Variants in PDCD2 observed in about 807,000 individuals in gnomAD.
PDCD2 encodes the protein uS5 assembly chaperone PDCD2.
Under a neutral mutation model 38.1 loss-of-function variants are expected in PDCD2, and 38 were observed. That is an observed-to-expected ratio of 1.00 (90% confidence interval 0.77 to 1.31). The LOEUF (loss-of-function observed/expected upper bound fraction) is 1.31, where lower values mean the gene tolerates loss of function less well. Ranked by LOEUF, PDCD2 falls within the 50% of genes most tolerant of loss-of-function variation. The pLI is 0.00. For synonymous variants in PDCD2, 205 were observed against 168.9 expected (o/e 1.21, Z -1.66); for missense variants, 473 against 435.7 (o/e 1.09, Z -0.76).
intron 1 of PDCD2, 125 bp downstream of exon 1, chr6:170,584,174 C>T (rs1028852872): frequency 9.3e-7 from 1 of 1,076,046 alleles, no homozygotes; most frequent in Non-Finnish European, 1.2e-6. Context: ...TGGGGCAGCG[C>T]GGAGAGGGAG....
intron 5 of PDCD2, 50 bp from the exon 6 acceptor site, chr6:170,577,767 A>C: frequency 6.3e-7 from 1 of 1,582,274 alleles, no homozygotes; most frequent in Non-Finnish European, 8.6e-7. Context: ...AGCAGGGAGC[A>C]CGAGACCTTC....
At chr6:170,578,571 A>G (rs1779508483) in intron 5 of PDCD2, 1 of 696,948 alleles carries the variant, frequency 1.4e-6, no homozygotes, top group Non-Finnish European at 2.6e-6. Context: ...AGGCACTAAT[A>G]ATAATGACAT....
At chr6:170,583,024 C>G in intron 3 of PDCD2, 33 bp downstream of exon 3, 1 of 1,596,732 alleles carries the variant, frequency 6.3e-7, no homozygotes, top group African/African-American at 1.4e-5. Context: ...TTATGTTTAA[C>G]CACTTAATGA....
chr6:170,582,789 T>C, intron 3 of PDCD2: 2 of 1,290,794 alleles, frequency 1.5e-6, no homozygotes, highest in Non-Finnish European at 2.0e-6. Context: ...CCAGAGGAAC[T>C]TACCAAGCCT....
intron 5 of PDCD2, among the ~76,000 whole-genome samples, chr6:170,578,170 A>AC (rs11394599): frequency 0.58 from 87,697 of 151,952 alleles, 26,277 homozygotes; most frequent in East Asian, 0.79. Context: ...CAGAATAGCC[A>AC]CCTGATATGG....
chr6:170,583,958 A>T (rs909094190), intron 1 of PDCD2: 1 of 572,682 alleles, frequency 1.7e-6, no homozygotes, highest in East Asian at 3.0e-5. Flanking sequence ...AATCAAATTA[A>T]TAAGACTGAT....
In PDCD2 at chr6:170,584,328, C is replaced by G; in HGVS notation, c.254G>C (p.Arg85Pro). ...CAGGCCGGCACAGCACGGCTGCTCGCGGCAGCAGAAGAGGAAGATGCAGCG... is the reference window on the plus strand; with the variant it reads ...CAGGCCGGCACAGCACGGCTGCTCGGGGCAGCAGAAGAGGAAGATGCAGCG... ...FHRCIFLFCC[R>P]EQPCCAGLRV... The change falls in exon 1 of 6, where the codon CGC (arginine) becomes CCC (proline). Residue 85 changes from arginine to proline, a missense_variant. Coordinates refer to ENST00000541970, the MANE Select transcript of PDCD2 (RefSeq NM_002598.4). 1 of 1,498,702 alleles carries G rather than the reference C, an allele frequency of 6.7e-7. No homozygotes were observed. The highest frequency in any genetic ancestry group is 2.3e-4 in the Middle Eastern group (1 of 4,290). 92.8% of individuals were successfully genotyped at this position (1,498,702 alleles called of 1,614,324 possible). A position where few individuals can be genotyped will look rare whatever the true frequency, so the allele number is the denominator to read the frequency against.
chr6:170,578,810 A>T (rs548924306), intron 5 of PDCD2, 47 bp downstream of exon 5: 7 of 1,192,830 alleles, frequency 5.9e-6, no homozygotes, highest in Non-Finnish European at 7.5e-6. Context: ...ATGTTTAAAA[A>T]CAATCATGGT....
At chr6:170,578,614 T>A in intron 5 of PDCD2, 2 of 702,666 alleles carry the variant, frequency 2.8e-6, no homozygotes, top group Non-Finnish European at 5.2e-6. Flanking sequence ...AGTGTAGATA[T>A]CCTCATTGTC....
chr6:170,577,281 G>A lies in PDCD2; in HGVS notation c.*278C>T, dbSNP rs890789147. 8.6e-5 allele frequency: 25 copies of A among 292,320 alleles called. 1 individual carries two copies. Among genetic ancestry groups the A allele is most frequent in the Admixed American group, 4.1e-4 (9 of 21,958 alleles). 18.1% of individuals were successfully genotyped at this position (292,320 alleles called of 1,614,324 possible). ...ACATACAAATATTTTTACAAGAATA[G>A]GATCATACCATGAATACCACCTATA... On this transcript the variant is annotated 3_prime_UTR_variant, in exon 6 of 6. Coordinates refer to ENST00000541970, the MANE Select transcript of PDCD2 (RefSeq NM_002598.4).
At position 170,582,275 on chromosome 6, in the gene PDCD2, A is replaced by G. The variant is rs143396203; in HGVS notation, c.658+782T>C. 134 of 1,499,938 alleles carry G rather than the reference A, an allele frequency of 8.9e-5. 2 individuals carry two copies. The East Asian group carries it at 3.3e-3, about 37-fold the overall frequency. 92.9% of individuals were successfully genotyped at this position (1,499,938 alleles called of 1,614,324 possible). On this transcript the variant is annotated intron_variant, in intron 3 of 5. Transcript: ENST00000541970. ...GCTTCCCATTATATCCCTGTTATCA[A>G]GCACAAGGTCAGGCACAGAGTAAGA... is the stretch of plus-strand genomic sequence containing the variant.
intron 3 of PDCD2, chr6:170,581,888 T>G: frequency 3.1e-6 from 1 of 327,810 alleles, no homozygotes; most frequent in South Asian, 2.7e-5. Flanking sequence ...ACATCAAGAG[T>G]TTTTTACTTT....
At chr6:170,582,500 TCA>T (rs774488312) in intron 3 of PDCD2, 172 of 1,367,884 alleles carry the variant, frequency 1.3e-4, no homozygotes, top group Non-Finnish European at 1.6e-4. Flanking sequence ...GGGCAGTTTC[TCA>T]CTCATTGGTC....
Position 170,584,446 on chromosome 6 carries a change from GC to G in PDCD2, c.135del (p.Gln47ArgfsTer95). On this transcript the variant is annotated frameshift_variant, in exon 1 of 6. Transcript: ENST00000541970. LOFTEE classifies it high-confidence loss of function. Reference protein sequence around the residue: ...PAWLGAAGLPGPQALACELCG... With the variant: ...PAWLGAAGLPXPQALACELCG... Reference sequence around the variant, plus strand: ...CACAGCTCGCAGGCCAGGGCCTGGGGCCCCGGCAGCCCGGCCGCGCCCAGCC... The same window carrying G: ...CACAGCTCGCAGGCCAGGGCCTGGGGCCCGGCAGCCCGGCCGCGCCCAGCC... 7.6e-7 allele frequency: 1 copy of G among 1,318,592 alleles called. No individual in the cohort carries two copies. The highest frequency in any genetic ancestry group is 9.6e-7 in the Non-Finnish European group (1 of 1,040,284). 81.7% of individuals were successfully genotyped at this position (1,318,592 alleles called of 1,614,324 possible).
At chr6:170,582,268 G>GT in intron 3 of PDCD2, 2 of 1,484,816 alleles carry the variant, frequency 1.3e-6, no homozygotes, top group Non-Finnish European at 1.8e-6. Flanking sequence ...TTATATCCCT[G>GT]TTATCAAGCA....
chr6:170,583,773 T>G (rs1479715036), intron 1 of PDCD2, 26 bp from the exon 2 acceptor site: 1 of 1,560,778 alleles, frequency 6.4e-7, no homozygotes, highest in Non-Finnish European at 8.8e-7. Flanking sequence ...GAGAAAAGTT[T>G]TATCTTCAAA....
In PDCD2 at chr6:170,580,059, G is replaced by A; in HGVS notation, c.705C>T (p.Ser235=). The A allele has an allele frequency of 6.2e-7, 1 of 1,612,146 alleles. No individual in the cohort carries two copies. Among genetic ancestry groups the A allele is most frequent in the Non-Finnish European group, 8.5e-7 (1 of 1,178,588 alleles). Residue 235 remains serine, a synonymous_variant, in exon 4 of 6, where the codon TCC becomes TCT. Transcript: ENST00000541970. ...ACTTCTGAAAAATTTTATCTTCCCT[G>A]GATTCATGTTTTGCCATGGAATCCA... ...EELDSMAKHE[S]REDKIFQKFK...
At chr6:170,582,658 CTGACAAAATTGTGTA>C (rs1779647884) in intron 3 of PDCD2, 1 of 1,209,724 alleles carries the variant, frequency 8.3e-7, no homozygotes, top group Non-Finnish European at 1.0e-6. Flanking sequence ...TGTAAGTAAA[CTGACAAAATTGTGTA>C]TCTAAAACTG....
At chr6:170,584,054 C>A in intron 1 of PDCD2, 1 of 516,136 alleles carries the variant, frequency 1.9e-6, no homozygotes, top group Non-Finnish European at 3.4e-6. Context: ...TAACACCATA[C>A]CTGGTACCCA....
Sources: allele counts gnomAD v4.1 joint callset (sites outside exome capture counted in the v4.1 genomes callset), GRCh38; gene constraint gnomAD v4.1.1; transcripts MANE v1.5; gene names NCBI Gene and HGNC (gene_info 2026-07-23, HGNC 2026-07-21).